OR8H2: variants seen among roughly 807,000 people sequenced by gnomAD.
OR8H2 encodes olfactory receptor family 8 subfamily H member 2.
For missense variants in OR8H2, 374 were observed against 371.1 expected (o/e 1.01, Z -0.06); for synonymous variants, 157 against 139.2 (o/e 1.13, Z -0.90).
rs1854011545 is a variant in OR8H2, at chr11:56,103,836, G to A, written c.-323G>A. 1 of 152,164 alleles carries A rather than the reference G, an allele frequency of 6.6e-6. No homozygotes were observed. The highest frequency in any genetic ancestry group is 1.5e-5 in the Non-Finnish European group (1 of 67,988). 9.4% of individuals were successfully genotyped at this position (152,164 alleles called of 1,614,324 possible). A position where few individuals can be genotyped will look rare whatever the true frequency, so the allele number is the denominator to read the frequency against. Reference sequence around the variant, plus strand: ...TAAAACATAATGAATACACCAAAATGTAAAAACAACTTATCTCAAGTAAAA... The same window carrying A: ...TAAAACATAATGAATACACCAAAATATAAAAACAACTTATCTCAAGTAAAA... On this transcript the variant is annotated 5_prime_UTR_variant, in exon 1 of 2. An upstream start codon of the reference 5' UTR is lost. Transcript: ENST00000313503.
chr11:56,105,696 T>G lies in OR8H2; in HGVS notation c.654T>G (p.Tyr218Ter). 6.2e-7 allele frequency: 1 copy of G among 1,614,164 alleles called. No individual in the cohort carries two copies. The highest frequency in any genetic ancestry group is 2.2e-5 in the East Asian group (1 of 44,884). The change falls in exon 2 of 2, where the codon TAT becomes TAG. Residue 218 changes from tyrosine (Y) to a stop codon, truncating the protein, a stop_gained. Transcript: ENST00000313503. LOFTEE classifies it low-confidence loss of function (END_TRUNC). ...MVSLFTISAS[Y>*]VFILFTILKI... The stretch of plus-strand genomic sequence containing the variant: ...CCCTTTTCACAATATCTGCATCCTA[T>G]GTGTTCATTCTCTTTACCATCCTGA...
rs1440019815 is a variant in OR8H2, at chr11:56,107,264, G to A, written c.*1283G>A. ...GTCAAATGTGTCAAATTGCTTCTTTGTTAAAATCCTGTGTGTTTTTAAAAA... is the reference window on the plus strand; with the variant it reads ...GTCAAATGTGTCAAATTGCTTCTTTATTAAAATCCTGTGTGTTTTTAAAAA... On this transcript the variant is annotated 3_prime_UTR_variant, in exon 2 of 2. Coordinates refer to ENST00000313503, the MANE Select transcript of OR8H2 (RefSeq NM_001386064.1). The A allele has an allele frequency of 4.0e-5, 6 of 151,844 alleles. No individual in the cohort carries two copies. The highest frequency in any genetic ancestry group is 1.2e-4 in the African/African-American group (5 of 41,422). 9.4% of individuals were successfully genotyped at this position (151,844 alleles called of 1,614,324 possible). A position where few individuals can be genotyped will look rare whatever the true frequency, so the allele number is the denominator to read the frequency against.
In OR8H2 at chr11:56,107,343, C is replaced by T. The variant is rs1234188984; in HGVS notation, c.*1362C>T. 6.6e-6 allele frequency: 1 copy of T among 151,922 alleles called. No homozygotes were observed. The highest frequency in any genetic ancestry group is 2.4e-5 in the African/African-American group (1 of 41,434). The allele number at this position is 151,922 out of a possible 1,614,324, so 9.4% of individuals were successfully genotyped here. ...TTTGTTTCAGTTGTAAAAATAACTCCTTGACTTAAATGCTTTATTCATTGA... is the reference window on the plus strand; with the variant it reads ...TTTGTTTCAGTTGTAAAAATAACTCTTTGACTTAAATGCTTTATTCATTGA... On this transcript the variant is annotated 3_prime_UTR_variant, in exon 2 of 2. Transcript: ENST00000313503.
In OR8H2 at chr11:56,106,328, A is replaced by G. The variant is rs536616872; in HGVS notation, c.*347A>G. 2 of 163,032 alleles carry G rather than the reference A, an allele frequency of 1.2e-5. No homozygotes were observed. Among genetic ancestry groups the G allele is most frequent in the South Asian group, 3.7e-4 (2 of 5,394 alleles). The allele number at this position is 163,032 out of a possible 1,614,324, so 10.1% of individuals were successfully genotyped here. A position where few individuals can be genotyped will look rare whatever the true frequency, so the allele number is the denominator to read the frequency against. On this transcript the variant is annotated 3_prime_UTR_variant, in exon 2 of 2. Coordinates refer to ENST00000313503, the MANE Select transcript of OR8H2 (RefSeq NM_001386064.1). ...AGATAAATTTATTATGGAAAGAACT[A>G]TTTGGGACACAATGATAATAGTTTT...
At position 56,105,986 on chromosome 11, in the gene OR8H2, T is replaced by C. The variant is rs755313225; in HGVS notation, c.*5T>C. On this transcript the variant is annotated 3_prime_UTR_variant, in exon 2 of 2. Transcript: ENST00000313503. ...AGAAGACAGGACTCCAGGTAATTAA[T>C]ATAGCAGGAATGCTGAACATTTAAA... The C allele has an allele frequency of 7.4e-6, 11 of 1,484,266 alleles. No homozygotes were observed. The East Asian group carries it at 2.3e-4, about 30-fold the overall frequency. 91.9% of individuals were successfully genotyped at this position (1,484,266 alleles called of 1,614,324 possible).
intron 1 of OR8H2, among the ~76,000 whole-genome samples, chr11:56,104,349 G>C (rs1854018123): frequency 6.6e-6 from 1 of 151,956 alleles, no homozygotes; most frequent in African/African-American, 2.4e-5. Context: ...GAAACAAAAG[G>C]GGAGTAAATG....
chr11:56,106,232 T>G lies in OR8H2; in HGVS notation c.*251T>G. 1 of 271,664 alleles carries G rather than the reference T, an allele frequency of 3.7e-6. No individual in the cohort carries two copies. Among genetic ancestry groups the G allele is most frequent in the Non-Finnish European group, 6.8e-6 (1 of 146,316 alleles). 16.8% of individuals were successfully genotyped at this position (271,664 alleles called of 1,614,324 possible). On this transcript the variant is annotated 3_prime_UTR_variant, in exon 2 of 2. Transcript: ENST00000313503. Reference sequence around the variant, plus strand: ...ACATATATGTGTTTGAAGCAACTGATGTGGAAAATAAGAAAATATGGTTGT... The same window carrying G: ...ACATATATGTGTTTGAAGCAACTGAGGTGGAAAATAAGAAAATATGGTTGT...
Position 56,105,987 on chromosome 11 carries a change from A to T in OR8H2, c.*6A>T. ...GAAGACAGGACTCCAGGTAATTAAT[A>T]TAGCAGGAATGCTGAACATTTAAAC... is the stretch of plus-strand genomic sequence containing the variant. On this transcript the variant is annotated 3_prime_UTR_variant, in exon 2 of 2. Transcript: ENST00000313503. 1 of 1,471,684 alleles carries T rather than the reference A, an allele frequency of 6.8e-7. No homozygotes were observed. Among genetic ancestry groups the T allele is most frequent in the East Asian group, 2.3e-5 (1 of 44,214 alleles). The allele number at this position is 1,471,684 out of a possible 1,614,324, so 91.2% of individuals were successfully genotyped here. A position where few individuals can be genotyped will look rare whatever the true frequency, so the allele number is the denominator to read the frequency against.
In OR8H2 at chr11:56,106,072, T is replaced by A; in HGVS notation, c.*91T>A. On this transcript the variant is annotated 3_prime_UTR_variant, in exon 2 of 2. Transcript: ENST00000313503. ...TAGTCTCTCTATAAAAACAATTGAA[T>A]CTTTTAATTTGTTTGCATTTCTGTT... The A allele has an allele frequency of 1.2e-6, 1 of 858,758 alleles. No homozygotes were observed. The highest frequency in any genetic ancestry group is 1.8e-6 in the Non-Finnish European group (1 of 551,188). 53.2% of individuals were successfully genotyped at this position (858,758 alleles called of 1,614,324 possible).
intron 1 of OR8H2, 55 bp from the exon 2 acceptor site, chr11:56,104,817 G>T: frequency 2.3e-6 from 1 of 429,834 alleles, no homozygotes; most frequent in East Asian, 3.6e-5. Flanking sequence ...TAAATGATAT[G>T]CCATTCATAT....
At position 56,104,955 on chromosome 11, in the gene OR8H2, T is replaced by C; in HGVS notation, c.-88T>C. 1 of 1,191,552 alleles carries C rather than the reference T, an allele frequency of 8.4e-7. No homozygotes were observed. Among genetic ancestry groups the C allele is most frequent in the Non-Finnish European group, 1.2e-6 (1 of 834,336 alleles). The allele number at this position is 1,191,552 out of a possible 1,614,324, so 73.8% of individuals were successfully genotyped here. ...TCCGCCTCCCGCGTTCAAGCAATTC[T>C]CCTGCCTCAGCTTCTCCAGTAGCTG... is the stretch of plus-strand genomic sequence containing the variant. On this transcript the variant is annotated 5_prime_UTR_variant, in exon 2 of 2. Coordinates refer to ENST00000313503, the MANE Select transcript of OR8H2 (RefSeq NM_001386064.1).
rs1411848148 is a variant in OR8H2 at position 56,105,975 on chromosome 11, CAGGTAATTAAT to C, written c.935_*6del. ...GAGTCATGCAGAGAAGACAGGACTC[CAGGTAATTAAT>C]ATAGCAGGAATGCTGAACATTTAAA... On this transcript the variant is annotated stop_lost and 3_prime_UTR_variant, in exon 2 of 2. Transcript: ENST00000313503. The C allele has an allele frequency of 1.3e-6, 2 of 1,535,946 alleles. No individual in the cohort carries two copies. Among genetic ancestry groups the C allele is most frequent in the East Asian group, 4.5e-5 (2 of 44,522 alleles).
At position 56,105,933 on chromosome 11, in the gene OR8H2, G is replaced by GA; in HGVS notation, c.896dup (p.Asn299LysfsTer25). 2 of 1,602,670 alleles carry GA rather than the reference G, an allele frequency of 1.2e-6. No individual in the cohort carries two copies. Among genetic ancestry groups the GA allele is most frequent in the South Asian group, 2.3e-5 (2 of 88,876 alleles). On this transcript the variant is annotated frameshift_variant, in exon 2 of 2. Coordinates refer to ENST00000313503, the MANE Select transcript of OR8H2 (RefSeq NM_001386064.1). LOFTEE classifies it low-confidence loss of function (END_TRUNC). ...TTTATAGTCTTAGAAACAAAGAGGT[G>GA]AAAAATGCTGTCATCAGAGTCATGC...
At position 56,105,643 on chromosome 11, in the gene OR8H2, A is replaced by G. The variant is rs61734225; in HGVS notation, c.601A>G (p.Ile201Val). The change falls in exon 2 of 2, where the codon ATT (isoleucine) becomes GTT (valine). Residue 201 changes from isoleucine (I) to valine (V), a missense_variant. Ile to Val is a conservative substitution (Grantham distance 29). Transcript: ENST00000313503. Reference sequence around the variant, plus strand: ...ATACAACACCGAAATCCTGATATTCATTATTGTTGGTTCCACCCTGATGGT... The same window carrying G: ...ATACAACACCGAAATCCTGATATTCGTTATTGTTGGTTCCACCCTGATGGT... ...DTYNTEILIF[I>V]IVGSTLMVSL... The G allele has an allele frequency of 1.2e-6, 2 of 1,614,054 alleles. No homozygotes were observed. Among genetic ancestry groups the G allele is most frequent in the Non-Finnish European group, 1.7e-6 (2 of 1,179,902 alleles).
At position 56,106,510 on chromosome 11, in the gene OR8H2, C is replaced by T. The variant is rs536153144; in HGVS notation, c.*529C>T. On this transcript the variant is annotated 3_prime_UTR_variant, in exon 2 of 2. Transcript: ENST00000313503. Reference sequence around the variant, plus strand: ...TACCTAAAGCTTAAGCCTCCCTTCCCTAAGTGCACAAGATAAATAATAACT... The same window carrying T: ...TACCTAAAGCTTAAGCCTCCCTTCCTTAAGTGCACAAGATAAATAATAACT... The T allele has an allele frequency of 6.6e-6, 1 of 152,492 alleles. No individual in the cohort carries two copies. Among genetic ancestry groups the T allele is most frequent in the Admixed American group, 6.5e-5 (1 of 15,274 alleles). 9.4% of individuals were successfully genotyped at this position (152,492 alleles called of 1,614,324 possible).
In OR8H2 at chr11:56,105,061, A is replaced by G. The variant is rs61746549; in HGVS notation, c.19A>G (p.Asn7Asp). The G allele has an allele frequency of 2.5e-4, 396 of 1,612,850 alleles. 2 individuals are homozygous for G. In the African/African-American group the frequency reaches 3.3e-3, roughly 13 times the overall value. The part of the protein sequence containing the change: MMGRRN[N>D]TNVADFILMG... ...GGTGAACATGATGGGTAGAAGGAAT[A>G]ACACAAATGTGGCTGACTTCATCCT... The change falls in exon 2 of 2, where the codon AAC becomes GAC. Residue 7 changes from asparagine to aspartate, a missense_variant. Asn to Asp is a conservative substitution (Grantham distance 23). Transcript: ENST00000313503.
intron 1 of OR8H2, 79 bp from the exon 2 acceptor site, chr11:56,104,793 G>A (rs969067533): frequency 3.3e-5 from 13 of 391,382 alleles, no homozygotes; most frequent in African/African-American, 2.5e-4. Flanking sequence ...CTTATAGAAG[G>A]CTAAGCTAAT....
rs777087856 is a variant in OR8H2 at position 56,105,121 on chromosome 11, G to T, written c.79G>T (p.Ala27Ser). 43 of 1,614,000 alleles carry T rather than the reference G, an allele frequency of 2.7e-5. No individual in the cohort carries two copies. Among genetic ancestry groups the T allele is most frequent in the Middle Eastern group, 1.6e-4 (1 of 6,084 alleles). ...GACACTTTCTGAAGAGATCCAGATG[G>T]CTCTGTTTATGCTATTTCTCCTGAT... ...GLTLSEEIQM[A>S]LFMLFLLIYL... The change falls in exon 2 of 2, where the codon GCT becomes TCT. Residue 27 changes from alanine to serine, a missense_variant. Coordinates refer to ENST00000313503, the MANE Select transcript of OR8H2 (RefSeq NM_001386064.1).
In OR8H2 at chr11:56,107,513, T is replaced by C. The variant is rs921296309; in HGVS notation, c.*1532T>C. The C allele has an allele frequency of 6.6e-6, 1 of 151,926 alleles. No homozygotes were observed. Among genetic ancestry groups the C allele is most frequent in the Non-Finnish European group, 1.5e-5 (1 of 67,798 alleles). The allele number at this position is 151,926 out of a possible 1,614,324, so 9.4% of individuals were successfully genotyped here. ...TTCTCTTCCATATCTGGAATCACAGTTTTGTTTTTCTCTGCTATTTAATGG... is the reference window on the plus strand; with the variant it reads ...TTCTCTTCCATATCTGGAATCACAGCTTTGTTTTTCTCTGCTATTTAATGG... On this transcript the variant is annotated 3_prime_UTR_variant, in exon 2 of 2. Transcript: ENST00000313503.
Sources: allele counts gnomAD v4.1 joint callset (sites outside exome capture counted in the v4.1 genomes callset), GRCh38; gene constraint gnomAD v4.1.1; transcripts MANE v1.5; gene names NCBI Gene and HGNC (gene_info 2026-07-23, HGNC 2026-07-21).